The following DAPK1 variants were observed in gnomAD, a reference collection of about 807,000 sequenced individuals.
DAPK1 encodes death-associated protein kinase 1.
DAPK1 carries 56 observed loss-of-function variants against 144.9 expected under a neutral mutation model. That is an observed-to-expected ratio of 0.39 (90% confidence interval 0.31 to 0.48). The LOEUF is 0.48. Ranked by LOEUF, DAPK1 falls within the 20% of genes least tolerant of loss-of-function variation. The pLI, the probability that DAPK1 is intolerant of heterozygous loss-of-function variation, is 0.95. For synonymous variants in DAPK1, 690 were observed against 749.0 expected (o/e 0.92, Z 1.29); for missense variants, 1,454 against 1,875.4 (o/e 0.78, Z 4.15).
chr9:87,547,621 G>A (rs1367780029), intron 2 of DAPK1, among the ~76,000 whole-genome samples: 1 of 151,792 alleles, frequency 6.6e-6, no homozygotes, highest in Middle Eastern at 3.2e-3. Flanking sequence ...GTGTAGAGGA[G>A]GGGATTGATT....
intron 2 of DAPK1, among the ~76,000 whole-genome samples, chr9:87,526,387 A>G (rs1825509977): frequency 6.6e-6 from 1 of 152,214 alleles, no homozygotes. Flanking sequence ...CCTTTTCAAG[A>G]CAGACACAGA....
chr9:87,533,765 C>T (rs890266433), intron 2 of DAPK1, among the ~76,000 whole-genome samples: 1 of 152,194 alleles, frequency 6.6e-6, no homozygotes, highest in Non-Finnish European at 1.5e-5. Context: ...CTGGCTTAAG[C>T]GATTCTCCTG....
Position 87,675,538 on chromosome 9 carries a change from A to G in DAPK1, c.2002-5866A>G, listed in dbSNP as rs541883034. The stretch of plus-strand genomic sequence containing the variant: ...CCCGACATGACCCGAGAGGCGGCAC[A>G]GCTCTATAGACCTTACCCAGCGGGT... On this transcript the variant is annotated intron_variant, in intron 19 of 25. Transcript: ENST00000408954. 3.3e-5 allele frequency among the ~76,000 whole-genome samples: 5 copies of G among 152,232 alleles called. No homozygotes were observed. The South Asian group carries it at 1.0e-3, about 32-fold the overall frequency.
intron 2 of DAPK1, among the ~76,000 whole-genome samples, chr9:87,594,678 C>G (rs1828254528): frequency 6.6e-6 from 1 of 152,222 alleles, no homozygotes; most frequent in African/African-American, 2.4e-5. Context: ...CCCAGTCCAT[C>G]TGCTCTCAGT....
At chr9:87,632,540 G>A in intron 3 of DAPK1, 6 of 971,652 alleles carry the variant, frequency 6.2e-6, no homozygotes, top group Non-Finnish European at 7.3e-6. Flanking sequence ...AGGAAGATGA[G>A]TATACATGTA....
At chr9:87,650,211 A>G in intron 16 of DAPK1, 93 bp downstream of exon 16, 1 of 1,297,612 alleles carries the variant, frequency 7.7e-7, no homozygotes, top group Non-Finnish European at 1.1e-6. Context: ...CTAAGATAAC[A>G]AACTTGAATG....
At chr9:87,610,874 G>A (rs1828896730) in intron 3 of DAPK1, among the ~76,000 whole-genome samples, 1 of 152,228 alleles carries the variant, frequency 6.6e-6, no homozygotes, top group South Asian at 2.1e-4. Context: ...TCAGTTCATA[G>A]TATTCACGAA....
intron 2 of DAPK1, among the ~76,000 whole-genome samples, chr9:87,567,774 G>A (rs1459731561): frequency 1.3e-5 from 2 of 151,992 alleles, no homozygotes; most frequent in Non-Finnish European, 2.9e-5. Context: ...CCACCCCACC[G>A]GACCTCCCTC....
chr9:87,659,429 C>T lies in DAPK1; in HGVS notation c.1923+1302C>T, dbSNP rs576268353. ...CATGCTTGGGCACAGGTTCCAGTTA[C>T]TCCCTAATAGAGCATTTATATGCAT... On this transcript the variant is annotated intron_variant, in intron 18 of 25. Transcript: ENST00000408954. Among the ~76,000 whole-genome samples the T allele has an allele frequency of 4.7e-4, 71 of 152,326 alleles. 1 individual carries two copies. In the South Asian group the frequency reaches 0.011, roughly 23 times the overall value.
Position 87,708,591 on chromosome 9 carries a change from T to G in DAPK1, c.*1227T>G, listed in dbSNP as rs182225558. On this transcript the variant is annotated 3_prime_UTR_variant, in exon 26 of 26. Transcript: ENST00000408954. ...TATAAAATGTCGTTAAAAAGTTGTT[T>G]GTTTTTTTCTTTTTTTATAAATAAA... 6.6e-6 allele frequency: 1 copy of G among 152,618 alleles called. No homozygotes were observed. The highest frequency in any genetic ancestry group is 1.5e-5 in the Non-Finnish European group (1 of 68,036). The allele number at this position is 152,618 out of a possible 1,614,324, so 9.5% of individuals were successfully genotyped here. A position where few individuals can be genotyped will look rare whatever the true frequency, so the allele number is the denominator to read the frequency against.
intron 20 of DAPK1, among the ~76,000 whole-genome samples, chr9:87,681,910 GCA>G (rs752133440): frequency 3.9e-5 from 6 of 152,214 alleles, no homozygotes; most frequent in African/African-American, 1.4e-4. Context: ...TGCAGAATTT[GCA>G]CAGTCAGCTT....
intron 1 of DAPK1, chr9:87,498,741 G>T (rs1426254832): frequency 2.3e-6 from 1 of 427,904 alleles, no homozygotes; most frequent in Admixed American, 3.8e-5. Flanking sequence ...GTTTGGGGAC[G>T]CCGACCTCGG....
At chr9:87,625,432 A>G (rs1049341663) in intron 3 of DAPK1, among the ~76,000 whole-genome samples, 1 of 152,210 alleles carries the variant, frequency 6.6e-6, no homozygotes, top group African/African-American at 2.4e-5. Flanking sequence ...GCCAGTCTCC[A>G]GCTGCCAGCA....
chr9:87,518,426 C>T (rs1166930384), intron 2 of DAPK1, among the ~76,000 whole-genome samples: 1 of 152,002 alleles, frequency 6.6e-6, no homozygotes, highest in African/African-American at 2.4e-5. Context: ...CTGCACCCAG[C>T]CATATTTGCC....
At chr9:87,666,477 GT>G (rs71354777) in intron 18 of DAPK1, among the ~76,000 whole-genome samples, 4,662 of 139,926 alleles carry the variant, frequency 0.033, 144 homozygotes, top group African/African-American at 0.087. Flanking sequence ...TTTTGTTTTT[GT>G]TTTTTTTTTT....
chr9:87,530,900 G>T (rs1296778033), intron 2 of DAPK1, among the ~76,000 whole-genome samples: 1 of 61,176 alleles, frequency 1.6e-5, no homozygotes, highest in Non-Finnish European at 3.0e-5. Context: ...CCATATTCAT[G>T]CAGGTCTCTT....
intron 3 of DAPK1, among the ~76,000 whole-genome samples, chr9:87,621,728 G>T (rs1829300248): frequency 6.6e-6 from 1 of 152,046 alleles, no homozygotes; most frequent in South Asian, 2.1e-4. Context: ...TCTGACTCTG[G>T]GCTTTTTTCT....
At chr9:87,593,915 A>G (rs1828224809) in intron 2 of DAPK1, among the ~76,000 whole-genome samples, 1 of 152,206 alleles carries the variant, frequency 6.6e-6, no homozygotes, top group African/African-American at 2.4e-5. Flanking sequence ...AAAGTGATCA[A>G]ACATGGAGCT....
intron 21 of DAPK1, among the ~76,000 whole-genome samples, chr9:87,695,422 G>A (rs556166583): frequency 3.9e-5 from 6 of 152,318 alleles, no homozygotes; most frequent in East Asian, 3.9e-4. Context: ...AGTGGTGGGC[G>A]GCCACAGTCC....
Sources: allele counts gnomAD v4.1 joint callset (sites outside exome capture counted in the v4.1 genomes callset), GRCh38; gene constraint gnomAD v4.1.1; transcripts MANE v1.5; gene names NCBI Gene and HGNC (gene_info 2026-07-23, HGNC 2026-07-21).